CNTN5: variants seen among roughly 807,000 people sequenced by gnomAD.
The protein encoded by CNTN5 is contactin-5.
A neutral mutation model predicts 129.1 loss-of-function variants in CNTN5; 77 were observed. The observed-to-expected ratio is 0.60, with a 90% CI of 0.50 to 0.72. The LOEUF is 0.72. CNTN5 is among the 30% of genes least tolerant of loss of function. The pLI is 0.00. For missense variants in CNTN5, 1,478 were observed against 1,328.8 expected (o/e 1.11, Z -1.75); for synonymous variants, 509 against 465.6 (o/e 1.09, Z -1.20).
At chr11:99,456,079 C>A (rs1258894038) in intron 2 of CNTN5, among the ~76,000 whole-genome samples, 2 of 152,188 alleles carry the variant, frequency 1.3e-5, no homozygotes, top group Admixed American at 1.3e-4. Flanking sequence ...CATTGAATTG[C>A]CCATTGCTGA....
At chr11:100,255,297 T>C (rs1231189176) in intron 16 of CNTN5, among the ~76,000 whole-genome samples, 4 of 152,326 alleles carry the variant, frequency 2.6e-5, no homozygotes, top group Admixed American at 6.5e-5. Flanking sequence ...GTACACATCA[T>C]AGGGCTTGTA....
intron 9 of CNTN5, among the ~76,000 whole-genome samples, chr11:100,011,667 A>G (rs1940541200): frequency 6.6e-6 from 1 of 152,146 alleles, no homozygotes; most frequent in South Asian, 2.1e-4. Flanking sequence ...GATACCATTT[A>G]CAAATAGTCT....
intron 15 of CNTN5, among the ~76,000 whole-genome samples, chr11:100,194,231 T>G (rs1416855128): frequency 1.3e-5 from 2 of 151,918 alleles, no homozygotes; most frequent in Non-Finnish European, 2.9e-5. Context: ...GGAAATCTCT[T>G]GAACCAAATC....
At chr11:100,226,060 T>C (rs1939701) in intron 16 of CNTN5, among the ~76,000 whole-genome samples, 34,308 of 152,032 alleles carry the variant, frequency 0.23, 5,301 homozygotes, top group East Asian at 0.58. Flanking sequence ...CTTGATCTTT[T>C]CTTCAAATTT....
At chr11:100,036,192 C>G (rs1299923720) in intron 9 of CNTN5, among the ~76,000 whole-genome samples, 1 of 152,104 alleles carries the variant, frequency 6.6e-6, no homozygotes, top group Non-Finnish European at 1.5e-5. Flanking sequence ...ATATGGCTAG[C>G]CAGTTTTTCC....
chr11:100,143,159 A>G (rs1185745579), intron 13 of CNTN5, among the ~76,000 whole-genome samples: 2 of 152,182 alleles, frequency 1.3e-5, no homozygotes, highest in Non-Finnish European at 2.9e-5. Flanking sequence ...TGAACATACA[A>G]TGTAATATGT....
At chr11:99,554,886 T>A (rs1054294549) in intron 2 of CNTN5, among the ~76,000 whole-genome samples, 4 of 152,064 alleles carry the variant, frequency 2.6e-5, no homozygotes, top group Admixed American at 6.6e-5. Context: ...TATTTAGTAC[T>A]TTGAATTATA....
At chr11:100,061,183 A>G (rs754683207) in intron 9 of CNTN5, 29 bp from the exon 10 acceptor site, 26 of 1,566,694 alleles carry the variant, frequency 1.7e-5, no homozygotes, top group Admixed American at 3.4e-5. Context: ...TGGAGAGTGT[A>G]TTAACAGTAT....
At position 99,845,253 on chromosome 11, in the gene CNTN5, C is replaced by T; in HGVS notation, c.568C>T (p.Gln190Ter). The T allele has an allele frequency of 1.2e-6, 2 of 1,607,538 alleles. No individual in the cohort carries two copies. The highest frequency in any genetic ancestry group is 8.5e-7 in the Non-Finnish European group (1 of 1,176,944). ...GSILSREATL[Q>*]FAYLGNFSGR... ...TATTCTTAGTAGAGAAGCTACACTGCAGTTTGCCTGTGAGTAAAATATATG... is the reference window on the plus strand; with the variant it reads ...TATTCTTAGTAGAGAAGCTACACTGTAGTTTGCCTGTGAGTAAAATATATG... The change falls in exon 6 of 25, where the codon CAG becomes TAG. Residue 190 changes from glutamine to a stop codon, truncating the protein, a stop_gained. Coordinates refer to ENST00000524871, the MANE Select transcript of CNTN5 (RefSeq NM_014361.4). LOFTEE classifies it high-confidence loss of function.
Position 100,085,080 on chromosome 11 carries a change from G to A in CNTN5, c.1580+10786G>A, listed in dbSNP as rs779432240. Among the ~76,000 whole-genome samples the A allele has an allele frequency of 3.9e-5, 6 of 152,116 alleles. No homozygotes were observed. In the East Asian group the frequency reaches 1.2e-3, roughly 29 times the overall value. On this transcript the variant is annotated intron_variant, in intron 13 of 24. Transcript: ENST00000524871. Reference sequence around the variant, plus strand: ...GTGGTGGGATATAGGCCACTTAAGGGGGAGTAAATAATTTTGGGGAGAGAA... The same window carrying A: ...GTGGTGGGATATAGGCCACTTAAGGAGGAGTAAATAATTTTGGGGAGAGAA...
At chr11:99,658,803 G>T (rs891299302) in intron 3 of CNTN5, among the ~76,000 whole-genome samples, 1 of 146,890 alleles carries the variant, frequency 6.8e-6, no homozygotes, top group Non-Finnish European at 1.5e-5. Context: ...CAGGAGAATT[G>T]CTTGAACCCA....
At chr11:99,119,799 C>T (rs1858219898) in intron 1 of CNTN5, among the ~76,000 whole-genome samples, 1 of 151,946 alleles carries the variant, frequency 6.6e-6, no homozygotes, top group South Asian at 2.1e-4. Flanking sequence ...CCAGCACCTG[C>T]TATTTTTTGA....
At chr11:99,696,448 G>A (rs1393315056) in intron 3 of CNTN5, among the ~76,000 whole-genome samples, 1 of 152,006 alleles carries the variant, frequency 6.6e-6, no homozygotes, top group East Asian at 1.9e-4. Flanking sequence ...AGCAATAATG[G>A]TTCAGATTAA....
chr11:99,964,933 C>G (rs1236951863), intron 8 of CNTN5, among the ~76,000 whole-genome samples: 5 of 152,122 alleles, frequency 3.3e-5, no homozygotes, highest in Admixed American at 2.0e-4. Flanking sequence ...TCTAGATTTT[C>G]TAGTTTATTT....
At chr11:99,943,112 C>T (rs1424672065) in intron 7 of CNTN5, among the ~76,000 whole-genome samples, 1 of 152,184 alleles carries the variant, frequency 6.6e-6, no homozygotes, top group African/African-American at 2.4e-5. Flanking sequence ...AATCATCACA[C>T]TGTCTTCCAC....
chr11:99,441,071 C>T (rs1943810155), intron 2 of CNTN5, among the ~76,000 whole-genome samples: 1 of 152,148 alleles, frequency 6.6e-6, no homozygotes, highest in South Asian at 2.1e-4. Flanking sequence ...CCTGCCACTC[C>T]TGCCTCCCAA....
intron 15 of CNTN5, among the ~76,000 whole-genome samples, chr11:100,196,122 G>C (rs1204664862): frequency 1.3e-5 from 2 of 151,858 alleles, no homozygotes; most frequent in Non-Finnish European, 2.9e-5. Context: ...TATCCCAGCA[G>C]AGTAAAAAAA....
chr11:99,767,294 CAGAGAG>C (rs150648848), intron 3 of CNTN5, among the ~76,000 whole-genome samples: 14 of 149,864 alleles, frequency 9.3e-5, no homozygotes, highest in African/African-American at 3.4e-4. Flanking sequence ...ATTATTAAAT[CAGAGAG>C]AGAGAGAGAG....
intron 13 of CNTN5, among the ~76,000 whole-genome samples, chr11:100,102,430 G>T (rs1945256696): frequency 6.6e-6 from 1 of 151,784 alleles, no homozygotes; most frequent in Admixed American, 6.6e-5. Context: ...TTTTCTTGCT[G>T]ATTTGTTTGA....
Sources: gnomAD v4.1 joint callset for allele counts (sites outside exome capture counted in the v4.1 genomes callset) on GRCh38, gnomAD v4.1.1 for gene constraint, MANE v1.5 for transcripts, NCBI Gene and HGNC (gene_info 2026-07-23, HGNC 2026-07-21) for gene names.